PAPPA2: variants seen among roughly 807,000 people sequenced by gnomAD.
PAPPA2 encodes the protein pappalysin 2.
A neutral mutation model predicts 176.4 loss-of-function variants in PAPPA2; 86 were observed. That is an observed-to-expected ratio of 0.49 (90% CI 0.41 to 0.58). The LOEUF is 0.58. Ranked by LOEUF, PAPPA2 falls within the 20% of genes least tolerant of loss-of-function variation. The pLI is 0.00. For missense variants in PAPPA2, 2,073 were observed against 2,256.9 expected (o/e 0.92, Z 1.65); for synonymous variants, 809 against 852.2 (o/e 0.95, Z 0.88).
chr1:176,712,029 ATGTGTGTGTGTG>A lies in PAPPA2; in HGVS notation c.3798+66_3798+77del, dbSNP rs66731142. 16 of 1,426,060 alleles carry A rather than the reference ATGTGTGTGTGTG, an allele frequency of 1.1e-5. 1 individual carries two copies. In the South Asian group the frequency reaches 2.2e-4, roughly 19 times the overall value. The allele number at this position is 1,426,060 out of a possible 1,614,324, so 88.3% of individuals were successfully genotyped here. A position where few individuals can be genotyped will look rare whatever the true frequency, so the allele number is the denominator to read the frequency against. On this transcript the variant is annotated intron_variant, in intron 12 of 22. Coordinates refer to ENST00000367662, the MANE Select transcript of PAPPA2 (RefSeq NM_020318.3). ...TTGTGCATGTGAAAGGTGTAAGCAT[ATGTGTGTGTGTG>A]TGTGTGTGTGTGTGTGTAAATGGTG...
intron 14 of PAPPA2, among the ~76,000 whole-genome samples, chr1:176,754,456 A>C (rs986158451): frequency 6.6e-6 from 1 of 152,258 alleles, no homozygotes; most frequent in African/African-American, 2.4e-5. Context: ...TTTACCAACT[A>C]TTTATACCAG....
intron 3 of PAPPA2, among the ~76,000 whole-genome samples, chr1:176,598,778 T>C (rs942017303): frequency 1.3e-5 from 2 of 152,152 alleles, no homozygotes; most frequent in African/African-American, 4.8e-5. Context: ...AATTCTATTC[T>C]TTTCTTCCAG....
intron 21 of PAPPA2, among the ~76,000 whole-genome samples, chr1:176,836,011 T>G (rs972362529): frequency 7.2e-5 from 11 of 152,042 alleles, no homozygotes; most frequent in African/African-American, 2.7e-4. Flanking sequence ...TCATGAGATG[T>G]GAAGGAGAAT....
chr1:176,637,284 G>C (rs185359877), intron 3 of PAPPA2, among the ~76,000 whole-genome samples: 1 of 152,218 alleles, frequency 6.6e-6, no homozygotes, highest in East Asian at 1.9e-4. Flanking sequence ...GAGTAATGAA[G>C]AGCCATGGTT....
intron 3 of PAPPA2, among the ~76,000 whole-genome samples, chr1:176,612,582 T>A (rs1446907748): frequency 2.6e-5 from 4 of 152,136 alleles, no homozygotes; most frequent in African/African-American, 9.7e-5. Context: ...GTTTACTCGA[T>A]TTACAAGATG....
At chr1:176,841,706 A>G (rs1419428676) in intron 22 of PAPPA2, among the ~76,000 whole-genome samples, 1 of 152,144 alleles carries the variant, frequency 6.6e-6, no homozygotes, top group Non-Finnish European at 1.5e-5. Flanking sequence ...AGATAGTTAC[A>G]TAGAAGGAAG....
chr1:176,558,289 G>T (rs1651447340), intron 2 of PAPPA2, among the ~76,000 whole-genome samples: 1 of 152,188 alleles, frequency 6.6e-6, no homozygotes. Flanking sequence ...GCAATAAAAG[G>T]CATGCCAGGC....
At chr1:176,602,062 G>C (rs186986409) in intron 3 of PAPPA2, among the ~76,000 whole-genome samples, 1 of 152,174 alleles carries the variant, frequency 6.6e-6, no homozygotes, top group Admixed American at 6.5e-5. Context: ...GTTGAACAAG[G>C]CATCAATCAT....
intron 1 of PAPPA2, among the ~76,000 whole-genome samples, chr1:176,505,421 T>C (rs1353725251): frequency 6.6e-6 from 1 of 152,000 alleles, no homozygotes; most frequent in Non-Finnish European, 1.5e-5. Context: ...TTTTTGGAGT[T>C]TGGAAAACAG....
At chr1:176,727,262 A>T (rs1661924674) in intron 12 of PAPPA2, among the ~76,000 whole-genome samples, 3 of 152,140 alleles carry the variant, frequency 2.0e-5, no homozygotes, top group Non-Finnish European at 4.4e-5. Context: ...TAAAAACTCC[A>T]TGCAAAAGGC....
intron 3 of PAPPA2, among the ~76,000 whole-genome samples, chr1:176,599,567 T>C (rs1237460139): frequency 6.6e-6 from 1 of 151,322 alleles, no homozygotes; most frequent in Non-Finnish European, 1.5e-5. Context: ...TATTTACTTT[T>C]ATATTTTAGC....
intron 7 of PAPPA2, 103 bp from the exon 8 acceptor site, chr1:176,698,997 T>C: frequency 1.4e-6 from 2 of 1,412,634 alleles, no homozygotes; most frequent in Non-Finnish European, 1.9e-6. Context: ...ACAGGAATTC[T>C]AAAAGTTCTC....
At chr1:176,763,740 C>T (rs1663803128) in intron 14 of PAPPA2, among the ~76,000 whole-genome samples, 1 of 152,094 alleles carries the variant, frequency 6.6e-6, no homozygotes, top group Non-Finnish European at 1.5e-5. Flanking sequence ...AAAATGCATA[C>T]ACAACTATAA....
chr1:176,595,544 C>T lies in PAPPA2; in HGVS notation c.1940C>T (p.Pro647Leu), dbSNP rs1653932673. 1 of 1,613,998 alleles carries T rather than the reference C, an allele frequency of 6.2e-7. No individual in the cohort carries two copies. Residue 647 changes from proline (P) to leucine (L), a missense_variant, in exon 3 of 23, where the codon CCC becomes CTC. Physicochemically the swap from Pro to Leu is moderately conservative, Grantham distance 98. This residue lies in a region of PAPPA2 where 1,196 missense variants were observed against 1,330.4 expected (regional missense o/e 0.90). Coordinates refer to ENST00000367662, the MANE Select transcript of PAPPA2 (RefSeq NM_020318.3). The stretch of plus-strand genomic sequence containing the variant: ...TTTGACGACGGAGACTGCTGCGACC[C>T]CCAGGTGGCTGATGTGCGCAAGACC... Reference protein sequence around the residue: ...NDFDDGDCCDPQVADVRKTCF... With the variant: ...NDFDDGDCCDLQVADVRKTCF...
chr1:176,842,666 T>A lies in PAPPA2; in HGVS notation c.*212T>A. On this transcript the variant is annotated 3_prime_UTR_variant, in exon 23 of 23. Transcript: ENST00000367662. ...AGTAGGAGAGAATCATAGGCAAAAGTTTCTTTAAAGTGGCAGTTGATTAAC... is the reference window on the plus strand; with the variant it reads ...AGTAGGAGAGAATCATAGGCAAAAGATTCTTTAAAGTGGCAGTTGATTAAC... 1.8e-6 allele frequency: 1 copy of A among 553,542 alleles called. No homozygotes were observed. Among genetic ancestry groups the A allele is most frequent in the Non-Finnish European group, 3.2e-6 (1 of 312,380 alleles). 34.3% of individuals were successfully genotyped at this position (553,542 alleles called of 1,614,324 possible).
chr1:176,719,690 C>T (rs908764654), intron 12 of PAPPA2, among the ~76,000 whole-genome samples: 1 of 152,130 alleles, frequency 6.6e-6, no homozygotes, highest in Non-Finnish European at 1.5e-5. Flanking sequence ...GCAGTAGAGT[C>T]AACATTCCCA....
intron 19 of PAPPA2, among the ~76,000 whole-genome samples, chr1:176,791,765 G>A (rs542131812): frequency 3.9e-5 from 6 of 152,182 alleles, no homozygotes; most frequent in African/African-American, 1.4e-4. Context: ...GGTTGGCCAG[G>A]CTGGTCTCAA....
At chr1:176,527,678 A>T (rs1649574018) in intron 1 of PAPPA2, among the ~76,000 whole-genome samples, 1 of 152,200 alleles carries the variant, frequency 6.6e-6, no homozygotes, top group African/African-American at 2.4e-5. Flanking sequence ...AAGCCTATAT[A>T]TTCAGATTTC....
chr1:176,596,855 A>G (rs1470934115), intron 3 of PAPPA2, among the ~76,000 whole-genome samples: 1 of 152,230 alleles, frequency 6.6e-6, no homozygotes, highest in Non-Finnish European at 1.5e-5. Flanking sequence ...GTAGGTAGCT[A>G]GTGAACTTGT....
Sources: gnomAD v4.1 joint callset for allele counts (sites outside exome capture counted in the v4.1 genomes callset) on GRCh38, gnomAD v4.1.1 for gene constraint, gnomAD v4.1.1 regional missense constraint, MANE v1.5 for transcripts, NCBI Gene and HGNC (gene_info 2026-07-23, HGNC 2026-07-21) for gene names.